Variants in TBC1D22A observed in about 807,000 individuals in gnomAD.
The protein encoded by TBC1D22A is TBC1 domain family member 22A.
In TBC1D22A, 38 loss-of-function variants were observed where a neutral mutation model predicts 60.2. That is an observed-to-expected ratio of 0.63 (90% CI 0.49 to 0.83). The LOEUF (loss-of-function observed/expected upper bound fraction) is 0.83. TBC1D22A is among the 40% of genes least tolerant of loss of function. The pLI, the probability that TBC1D22A is intolerant of heterozygous loss-of-function variation, is 0.00. For synonymous variants in TBC1D22A, 302 were observed against 281.7 expected (o/e 1.07, Z -0.72); for missense variants, 628 against 701.0 (o/e 0.90, Z 1.18).
chr22:46,792,729 G>C (rs768805026), intron 2 of TBC1D22A, 153 bp downstream of exon 2: 9 of 1,536,342 alleles, frequency 5.9e-6, no homozygotes, highest in Non-Finnish European at 7.9e-6. Context: ...GTCGCTTTGT[G>C]TGAGATACTG....
chr22:46,842,802 G>A (rs753113046), intron 4 of TBC1D22A, among the ~76,000 whole-genome samples: 7 of 152,366 alleles, frequency 4.6e-5, no homozygotes, highest in Non-Finnish European at 1.0e-4. Flanking sequence ...GGGCTTTGGC[G>A]CCCTGACAGG....
At chr22:46,939,529 T>A (rs1427233854) in intron 8 of TBC1D22A, among the ~76,000 whole-genome samples, 1 of 152,172 alleles carries the variant, frequency 6.6e-6, no homozygotes, top group African/African-American at 2.4e-5. Context: ...ACTTAGTAAA[T>A]GGATAATTGC....
At chr22:47,151,109 C>T (rs1250221653) in intron 12 of TBC1D22A, among the ~76,000 whole-genome samples, 4 of 152,156 alleles carry the variant, frequency 2.6e-5, no homozygotes, top group Admixed American at 1.3e-4. Flanking sequence ...CAACCCGCTC[C>T]GCTTAAAGGA....
In TBC1D22A at chr22:46,976,035, C is replaced by T. The variant is rs115011376; in HGVS notation, c.1125+1636C>T. On this transcript the variant is annotated intron_variant, in intron 9 of 12. Coordinates refer to ENST00000337137, the MANE Select transcript of TBC1D22A (RefSeq NM_014346.5). ...ATTTTCATACATTTTATTCTTTCTG[C>T]TAGATCTTTCGGCTTTTTGCCCCCT... Among the ~76,000 whole-genome samples the T allele has an allele frequency of 6.5e-3, 987 of 152,248 alleles. 7 individuals are homozygous for T. Among genetic ancestry groups the T allele is most frequent in the African/African-American group, 0.021 (872 of 41,534 alleles).
intron 11 of TBC1D22A, among the ~76,000 whole-genome samples, chr22:47,040,180 T>C (rs1030093066): frequency 1.7e-4 from 26 of 151,910 alleles, no homozygotes; most frequent in African/African-American, 6.3e-4. Flanking sequence ...CTCCTGACCT[T>C]GTGATCCACC....
chr22:46,872,669 G>C (rs73184507), intron 4 of TBC1D22A, among the ~76,000 whole-genome samples: 1,769 of 152,318 alleles, frequency 0.012, 20 homozygotes, highest in Non-Finnish European at 0.016. Flanking sequence ...TAATGAAACA[G>C]GCAGCTTTGC....
intron 11 of TBC1D22A, among the ~76,000 whole-genome samples, chr22:47,069,811 C>T (rs1236892669): frequency 7.9e-6 from 1 of 127,182 alleles, no homozygotes; most frequent in Non-Finnish European, 1.6e-5. Flanking sequence ...TTGACGGTTC[C>T]CGGCTGTTCC....
chr22:47,008,107 G>T (rs997699896), intron 10 of TBC1D22A, among the ~76,000 whole-genome samples: 1 of 152,210 alleles, frequency 6.6e-6, no homozygotes, highest in African/African-American at 2.4e-5. Flanking sequence ...TCGAGTCTTT[G>T]AAGCTTTATA....
chr22:46,957,947 A>G (rs2073294100), intron 8 of TBC1D22A, among the ~76,000 whole-genome samples: 1 of 152,016 alleles, frequency 6.6e-6, no homozygotes. Flanking sequence ...GGCAGGAGGC[A>G]TAGGATAGCC....
intron 8 of TBC1D22A, among the ~76,000 whole-genome samples, chr22:46,947,990 G>C (rs111721237): frequency 1.8e-3 from 271 of 152,322 alleles, no homozygotes; most frequent in African/African-American, 6.2e-3. Flanking sequence ...AATGCCAGCT[G>C]TGAATGAGAG....
chr22:46,803,511 C>T (rs541322296), intron 4 of TBC1D22A, among the ~76,000 whole-genome samples: 15 of 152,334 alleles, frequency 9.8e-5, no homozygotes, highest in African/African-American at 3.6e-4. Context: ...TGCGACCCGG[C>T]CGTCAGCGTT....
chr22:47,056,481 A>C (rs765982348), intron 11 of TBC1D22A, among the ~76,000 whole-genome samples: 5 of 152,050 alleles, frequency 3.3e-5, no homozygotes, highest in Non-Finnish European at 7.4e-5. Flanking sequence ...CCTGATGCAG[A>C]AGCCAGAGAG....
intron 9 of TBC1D22A, among the ~76,000 whole-genome samples, chr22:46,980,030 G>A (rs2074452192): frequency 1.3e-5 from 2 of 152,098 alleles, no homozygotes; most frequent in Admixed American, 6.5e-5. Context: ...GGGAATAAAT[G>A]TTAGCGATTG....
At chr22:46,903,704 CCT>C (rs1323993878) in intron 7 of TBC1D22A, among the ~76,000 whole-genome samples, 3 of 152,168 alleles carry the variant, frequency 2.0e-5, no homozygotes, top group African/African-American at 7.2e-5. Context: ...GAGTGTATTT[CCT>C]CTCGGCTGGG....
At chr22:46,827,342 G>A (rs1392328142) in intron 4 of TBC1D22A, among the ~76,000 whole-genome samples, 1 of 152,138 alleles carries the variant, frequency 6.6e-6, no homozygotes, top group African/African-American at 2.4e-5. Context: ...GCATCACCTC[G>A]GGAGAAAACT....
At chr22:46,848,759 T>G (rs2087135493) in intron 4 of TBC1D22A, among the ~76,000 whole-genome samples, 1 of 152,230 alleles carries the variant, frequency 6.6e-6, no homozygotes. Context: ...GAGTGCATTA[T>G]GACACGTTGC....
intron 4 of TBC1D22A, among the ~76,000 whole-genome samples, chr22:46,832,406 T>A (rs936172480): frequency 5.3e-5 from 8 of 152,266 alleles, no homozygotes; most frequent in Non-Finnish European, 1.2e-4. Flanking sequence ...ATCCCAGCAC[T>A]TTGAGAGGCT....
chr22:47,058,338 C>G (rs1445848207), intron 11 of TBC1D22A, among the ~76,000 whole-genome samples: 2 of 152,122 alleles, frequency 1.3e-5, no homozygotes, highest in East Asian at 1.9e-4. Flanking sequence ...CTCCCTGCCC[C>G]CCAGCTTATG....
Position 46,777,935 on chromosome 22 carries a change from A to C in TBC1D22A, c.63-14585A>C, listed in dbSNP as rs1434344468. ...GTCGCCTGCTGCACACCTAGGCTGT[A>C]CGGCACCGTCTGTTGCTCTGAGGCT... On this transcript the variant is annotated intron_variant, in intron 1 of 12. Transcript: ENST00000337137. This position sits in a 1 kb window ranked among gnomAD's most constrained non-coding sequence, Gnocchi z 4.5. Among the ~76,000 whole-genome samples, 1 of 152,242 alleles carries C rather than the reference A, an allele frequency of 6.6e-6. No individual in the cohort carries two copies. The highest frequency in any genetic ancestry group is 1.5e-5 in the Non-Finnish European group (1 of 68,042).
Sources: allele counts gnomAD v4.1 joint callset (sites outside exome capture counted in the v4.1 genomes callset), GRCh38; gene constraint gnomAD v4.1.1; non-coding constraint Gnocchi (gnomAD v3.1); transcripts MANE v1.5; gene names NCBI Gene and HGNC (gene_info 2026-07-23, HGNC 2026-07-21).